ZMYM4: variants seen among roughly 807,000 people sequenced by gnomAD.
ZMYM4 encodes zinc finger MYM-type containing 4.
ZMYM4 carries 31 observed loss-of-function variants against 183.2 expected under a neutral mutation model. The ratio of observed to expected loss-of-function variants is 0.17; its 90% CI spans 0.13 to 0.23. The LOEUF is 0.23. Ranked by LOEUF, ZMYM4 falls within the 10% of genes least tolerant of loss-of-function variation. ZMYM4 has a pLI of 1.00. For missense variants in ZMYM4, 1,273 were observed against 1,840.3 expected, an observed-to-expected ratio of 0.69 and a Z score of 5.64; for synonymous variants, 592 against 631.2, an observed-to-expected ratio of 0.94 and a Z score of 0.93.
At chr1:35,307,520 TA>T (rs1181317900) in intron 1 of ZMYM4, among the ~76,000 whole-genome samples, 1 of 145,448 alleles carries the variant, frequency 6.9e-6, no homozygotes, top group Non-Finnish European at 1.5e-5. Flanking sequence ...TAATTATTTT[TA>T]TTATTATTAT....
At chr1:35,377,245 G>GTCTGGCTC (rs1281707308) in intron 7 of ZMYM4, among the ~76,000 whole-genome samples, 1 of 152,148 alleles carries the variant, frequency 6.6e-6, no homozygotes. Flanking sequence ...TTTCGTTAAT[G>GTCTGGCTC]TCTGGCTCAA....
Position 35,414,092 on chromosome 1 carries a change from A to AT in ZMYM4, c.4060+19dup, listed in dbSNP as rs552172550. ...TACAATACTTCCTAATGGTAGGGTG[A>AT]TTTTTTTTTTATTGTTTTCATGATA... is the stretch of plus-strand genomic sequence containing the variant. On this transcript the variant is annotated intron_variant, in intron 27 of 29. Transcript: ENST00000314607. 6.5e-3 allele frequency: 8,403 copies of AT among 1,289,258 alleles called. No individual in the cohort carries two copies. Among genetic ancestry groups the AT allele is most frequent in the Non-Finnish European group, 7.2e-3 (6,723 of 939,612 alleles). The allele number at this position is 1,289,258 out of a possible 1,614,324, so 79.9% of individuals were successfully genotyped here.
At chr1:35,269,166 G>T in intron 1 of ZMYM4, 81 bp downstream of exon 1, 1 of 1,521,642 alleles carries the variant, frequency 6.6e-7, no homozygotes. Context: ...TCAGGTTCGT[G>T]GAGGGGTCGC....
intron 7 of ZMYM4, among the ~76,000 whole-genome samples, chr1:35,373,253 T>TATATAC (rs1553175814): frequency 6.7e-6 from 1 of 150,240 alleles, no homozygotes; most frequent in East Asian, 1.9e-4. Flanking sequence ...TATATATATA[T>TATATAC]ACACACACAC....
chr1:35,409,546 G>T (rs1473024368), intron 26 of ZMYM4, among the ~76,000 whole-genome samples: 1 of 151,446 alleles, frequency 6.6e-6, no homozygotes, highest in Non-Finnish European at 1.5e-5. Context: ...ATCTTTTTGT[G>T]TACTTTTTGA....
Position 35,405,112 on chromosome 1 carries a change from A to C in ZMYM4, c.3618A>C (p.Lys1206Asn). 1 of 1,614,150 alleles carries C rather than the reference A, an allele frequency of 6.2e-7. No individual in the cohort carries two copies. The highest frequency in any genetic ancestry group is 8.5e-7 in the Non-Finnish European group (1 of 1,180,020). ...QGCSVSGMTL[K>N]YMYGVNAWKN... Reference sequence around the variant, plus strand: ...GCTCAGTGTCCGGGATGACACTGAAATACATGTATGGGGTAAATGCTTGGA... The same window carrying C: ...GCTCAGTGTCCGGGATGACACTGAACTACATGTATGGGGTAAATGCTTGGA... Residue 1206 changes from lysine to asparagine, a missense_variant, in exon 24 of 30, where the codon AAA (lysine) becomes AAC (asparagine). Physicochemically the swap from Lys to Asn is moderately conservative, Grantham distance 94. This residue lies in a region of ZMYM4 where 133 missense variants were observed against 155.7 expected (regional missense o/e 0.85). Transcript: ENST00000314607.
At chr1:35,294,793 A>C (rs1640926489) in intron 1 of ZMYM4, among the ~76,000 whole-genome samples, 1 of 152,264 alleles carries the variant, frequency 6.6e-6, no homozygotes, top group Non-Finnish European at 1.5e-5. Context: ...CGTAAACAAA[A>C]AAAATTAATT....
At chr1:35,343,417 GA>G (rs2148865488) in intron 2 of ZMYM4, among the ~76,000 whole-genome samples, 1 of 152,098 alleles carries the variant, frequency 6.6e-6, no homozygotes, top group African/African-American at 2.4e-5. Flanking sequence ...ATTTATTGAA[GA>G]TTTTTTTTTT....
chr1:35,402,019 G>T (rs1644918761), intron 23 of ZMYM4, among the ~76,000 whole-genome samples: 1 of 151,358 alleles, frequency 6.6e-6, no homozygotes, highest in Admixed American at 6.6e-5. Flanking sequence ...TTTACAGTGA[G>T]CCTGGAAATT....
At chr1:35,310,079 A>G (rs554567594) in intron 1 of ZMYM4, among the ~76,000 whole-genome samples, 1 of 151,670 alleles carries the variant, frequency 6.6e-6, no homozygotes, top group East Asian at 1.9e-4. Context: ...TAAGGCACCC[A>G]CCACCATGCC....
rs1640271657 is a variant in ZMYM4, at chr1:35,419,971, A to G, written c.*294A>G. ...GTTTGGGAGTAACAAATCGTGGAAT[A>G]TTTTTAAGGAAAACTGTTGTATAAA... On this transcript the variant is annotated 3_prime_UTR_variant, in exon 30 of 30. Transcript: ENST00000314607. 1 of 376,952 alleles carries G rather than the reference A, an allele frequency of 2.7e-6. No individual in the cohort carries two copies. The highest frequency in any genetic ancestry group is 2.5e-5 in the South Asian group (1 of 40,694). The allele number at this position is 376,952 out of a possible 1,614,324, so 23.4% of individuals were successfully genotyped here. A position where few individuals can be genotyped will look rare whatever the true frequency, so the allele number is the denominator to read the frequency against.
At chr1:35,346,650 C>CAAAAA (rs746472685) in intron 2 of ZMYM4, among the ~76,000 whole-genome samples, 13 of 54,112 alleles carry the variant, frequency 2.4e-4, no homozygotes, top group East Asian at 3.3e-4. Context: ...GACTCCATCT[C>CAAAAA]AAAAAAAAAA....
chr1:35,338,091 G>A (rs1643050986), intron 2 of ZMYM4, among the ~76,000 whole-genome samples: 1 of 152,150 alleles, frequency 6.6e-6, no homozygotes, highest in Non-Finnish European at 1.5e-5. Flanking sequence ...ATTAAAACAT[G>A]TGAAAATCAT....
rs192485648 is a variant in ZMYM4, at chr1:35,371,834, T to A, written c.1181+1207T>A. Among the ~76,000 whole-genome samples the A allele has an allele frequency of 8.5e-5, 13 of 152,370 alleles. 2 individuals are homozygous for A. Among genetic ancestry groups the A allele is most frequent in the African/African-American group, 2.6e-4 (11 of 41,588 alleles). ...GCACATCGTTTATGCTTCATTTTTT[T>A]GAAATGACCGACAGGGTAAATTTTG... On this transcript the variant is annotated intron_variant, in intron 7 of 29. Coordinates refer to ENST00000314607, the MANE Select transcript of ZMYM4 (RefSeq NM_005095.3).
chr1:35,326,669 A>G (rs1353684244), intron 2 of ZMYM4, among the ~76,000 whole-genome samples: 2 of 152,190 alleles, frequency 1.3e-5, no homozygotes, highest in Non-Finnish European at 2.9e-5. Flanking sequence ...ACAGGATGCC[A>G]TCCCATCACA....
intron 22 of ZMYM4, 95 bp downstream of exon 22, chr1:35,399,138 GATA>G (rs1644858662): frequency 8.3e-7 from 1 of 1,204,552 alleles, no homozygotes; most frequent in South Asian, 1.5e-5. Context: ...AATTGTTATT[GATA>G]ATAACAGTGT....
At chr1:35,347,087 C>T (rs1558048110) in intron 2 of ZMYM4, among the ~76,000 whole-genome samples, 1 of 152,244 alleles carries the variant, frequency 6.6e-6, no homozygotes, top group African/African-American at 2.4e-5. Context: ...CTCACTGCAT[C>T]CTCTACCTCC....
chr1:35,281,116 C>G (rs963330610), intron 1 of ZMYM4, among the ~76,000 whole-genome samples: 2 of 152,040 alleles, frequency 1.3e-5, no homozygotes, highest in Non-Finnish European at 2.9e-5. Flanking sequence ...AACCCTGTCT[C>G]TACTAAAAAT....
At chr1:35,283,326 CTTTTTTTTTTT>C (rs201360397) in intron 1 of ZMYM4, among the ~76,000 whole-genome samples, 13 of 56,768 alleles carry the variant, frequency 2.3e-4, no homozygotes, top group African/African-American at 6.7e-4. Context: ...GAAGTGGTAT[CTTTTTTTTTTT>C]TTTTTTTTTT....
Sources: gnomAD v4.1 joint callset for allele counts (sites outside exome capture counted in the v4.1 genomes callset) on GRCh38, gnomAD v4.1.1 for gene constraint, gnomAD v4.1.1 regional missense constraint, MANE v1.5 for transcripts, NCBI Gene and HGNC (gene_info 2026-07-23, HGNC 2026-07-21) for gene names.